The following ADCK1 variants were observed in gnomAD, a reference collection of about 807,000 sequenced individuals.
ADCK1 encodes aarF domain-containing protein kinase 1.
A neutral mutation model predicts 52.3 loss-of-function variants in ADCK1; 41 were observed. The observed-to-expected ratio is 0.78, with a 90% CI of 0.61 to 1.02. The LOEUF (loss-of-function observed/expected upper bound fraction) is 1.02, where lower values mean the gene tolerates loss of function less well. Ranked by LOEUF, ADCK1 falls within the 50% of genes least tolerant of loss-of-function variation. ADCK1 has a pLI of 0.00. For synonymous variants in ADCK1, 250 were observed against 274.6 expected (o/e 0.91, Z 0.89); for missense variants, 658 against 679.5 (o/e 0.97, Z 0.35).
chr14:77,820,780 A>G (rs994485563), intron 2 of ADCK1, among the ~76,000 whole-genome samples: 1 of 151,702 alleles, frequency 6.6e-6, no homozygotes, highest in Non-Finnish European at 1.5e-5. Context: ...TTTTTTTGAG[A>G]CAGAATCTTG....
At chr14:77,874,192 AG>A (rs1245779747) in intron 4 of ADCK1, among the ~76,000 whole-genome samples, 40 of 152,328 alleles carry the variant, frequency 2.6e-4, no homozygotes, top group Admixed American at 2.2e-3. Context: ...GCTTTGCTTG[AG>A]TTCTCTTGAT....
intron 6 of ADCK1, among the ~76,000 whole-genome samples, chr14:77,901,687 G>A (rs2083549681): frequency 6.6e-6 from 1 of 152,220 alleles, no homozygotes; most frequent in Non-Finnish European, 1.5e-5. Flanking sequence ...ACCGCGGCCG[G>A]CCGGAGCTGG....
chr14:77,804,292 G>C (rs1021660565), intron 1 of ADCK1, among the ~76,000 whole-genome samples: 6 of 152,034 alleles, frequency 3.9e-5, no homozygotes, highest in African/African-American at 1.4e-4. Flanking sequence ...CGCCTGACAG[G>C]GTCTTTTACA....
intron 4 of ADCK1, among the ~76,000 whole-genome samples, chr14:77,867,768 C>T (rs893010209): frequency 2.6e-5 from 4 of 152,202 alleles, no homozygotes; most frequent in Non-Finnish European, 5.9e-5. Context: ...TGTCCTGCAC[C>T]TTGAATCCTG....
At chr14:77,803,470 C>A (rs2081155525) in intron 1 of ADCK1, among the ~76,000 whole-genome samples, 1 of 152,174 alleles carries the variant, frequency 6.6e-6, no homozygotes, top group Admixed American at 6.5e-5. Context: ...CCATTTAGTT[C>A]TGTCAAGGGG....
intron 4 of ADCK1, among the ~76,000 whole-genome samples, chr14:77,868,185 G>A (rs1191011493): frequency 2.6e-5 from 4 of 152,164 alleles, no homozygotes; most frequent in African/African-American, 4.8e-5. Context: ...CATTTAGTGC[G>A]ACCCCCACAT....
At chr14:77,827,955 A>T in intron 3 of ADCK1, 1 of 340,048 alleles carries the variant, frequency 2.9e-6, no homozygotes. Context: ...CAGCCTCCCA[A>T]GTAGCTGGGA....
chr14:77,804,580 AG>A lies in ADCK1; in HGVS notation c.-12+4415del, dbSNP rs577368852. On this transcript the variant is annotated intron_variant, in intron 1 of 10. Coordinates refer to ENST00000238561, the MANE Select transcript of ADCK1 (RefSeq NM_020421.4). ...GTGTGGAGGTTGGTGTAACAGGAAG[AG>A]GGGGTTCAGGGGAGGCAGGGGCTGG... Among the ~76,000 whole-genome samples, 21 of 58,374 alleles carry A rather than the reference AG, an allele frequency of 3.6e-4. No homozygotes were observed. In the South Asian group the frequency reaches 0.011, roughly 29 times the overall value. The allele number at this position is 58,374 out of a possible 152,430, so 38.3% of individuals were successfully genotyped here.
At chr14:77,851,943 T>A (rs2082292557) in intron 3 of ADCK1, among the ~76,000 whole-genome samples, 1 of 152,000 alleles carries the variant, frequency 6.6e-6, no homozygotes, top group South Asian at 2.1e-4. Flanking sequence ...CATATTTTTA[T>A]CTGGTTTCAT....
chr14:77,909,386 C>T (rs540298902), intron 7 of ADCK1, among the ~76,000 whole-genome samples: 46 of 152,242 alleles, frequency 3.0e-4, no homozygotes, highest in Non-Finnish European at 5.7e-4. Context: ...CCGCCTGCCT[C>T]GATCTCCCAA....
chr14:77,930,189 C>G (rs1595108420), intron 9 of ADCK1, among the ~76,000 whole-genome samples: 1 of 152,116 alleles, frequency 6.6e-6, no homozygotes, highest in Admixed American at 6.5e-5. Flanking sequence ...CCATAGGTGC[C>G]TCTTAAGGTC....
At chr14:77,922,485 C>T (rs975595836) in intron 7 of ADCK1, among the ~76,000 whole-genome samples, 5 of 152,180 alleles carry the variant, frequency 3.3e-5, no homozygotes, top group South Asian at 2.1e-4. Context: ...GAATCGGGGG[C>T]GCTTATGAGA....
At chr14:77,804,975 G>T (rs1267896526) in intron 1 of ADCK1, among the ~76,000 whole-genome samples, 10 of 152,046 alleles carry the variant, frequency 6.6e-5, no homozygotes, top group Admixed American at 6.6e-4. Flanking sequence ...GGGAGGCTGG[G>T]GTAGGCGGAT....
rs189149444 is a variant in ADCK1 at position 77,887,897 on chromosome 14, C to G, written c.582+648C>G. On this transcript the variant is annotated intron_variant, in intron 5 of 10. Coordinates refer to ENST00000238561, the MANE Select transcript of ADCK1 (RefSeq NM_020421.4). ...ATCTGTTTAATTTGTCAGTATGTCC[C>G]TTTTCTTCCTTTTCTTGTTTCCCTT... Among the ~76,000 whole-genome samples, 189 of 152,308 alleles carry G rather than the reference C, an allele frequency of 1.2e-3. 1 individual carries two copies. The highest frequency in any genetic ancestry group is 2.2e-3 in the Non-Finnish European group (153 of 68,030).
At chr14:77,930,832 C>T (rs1421778137) in intron 9 of ADCK1, among the ~76,000 whole-genome samples, 1 of 152,146 alleles carries the variant, frequency 6.6e-6, no homozygotes, top group Non-Finnish European at 1.5e-5. Context: ...GTCAGAACCA[C>T]ACTTATATTT....
intron 3 of ADCK1, among the ~76,000 whole-genome samples, chr14:77,852,678 TA>T (rs1182485351): frequency 1.9e-4 from 14 of 74,006 alleles, no homozygotes; most frequent in South Asian, 7.6e-4. Context: ...TATATATATA[TA>T]TATATATATA....
chr14:77,852,905 ATATTTTTTT>A (rs1165359111), intron 3 of ADCK1, among the ~76,000 whole-genome samples: 2 of 28,448 alleles, frequency 7.0e-5, no homozygotes, highest in East Asian at 4.6e-4. Flanking sequence ...ATATATATAT[ATATTTTTTT>A]TTTTTTTTTT....
At position 77,828,875 on chromosome 14, in the gene ADCK1, A is replaced by G. The variant is rs765305281; in HGVS notation, c.219+6357A>G. 2.7e-4 allele frequency among the ~76,000 whole-genome samples: 39 copies of G among 146,764 alleles called. 2 individuals are homozygous for G. The highest frequency in any genetic ancestry group is 5.0e-4 in the Non-Finnish European group (32 of 64,602). ...AACTCATGGATATTTATTTTATTCTATGGGGTCTATGTCCCATATATAATC... is the reference window on the plus strand; with the variant it reads ...AACTCATGGATATTTATTTTATTCTGTGGGGTCTATGTCCCATATATAATC... On this transcript the variant is annotated intron_variant, in intron 3 of 10. Transcript: ENST00000238561.
intron 1 of ADCK1, among the ~76,000 whole-genome samples, chr14:77,805,816 CT>C (rs1318177410): frequency 6.6e-6 from 1 of 151,906 alleles, no homozygotes; most frequent in Non-Finnish European, 1.5e-5. Context: ...CTCAAAAAAC[CT>C]CCCAATCTTA....
Sources: gnomAD v4.1 joint callset for allele counts (sites outside exome capture counted in the v4.1 genomes callset) on GRCh38, gnomAD v4.1.1 for gene constraint, MANE v1.5 for transcripts, NCBI Gene and HGNC (gene_info 2026-07-23, HGNC 2026-07-21) for gene names.